Variants in KCNMB4 observed in about 807,000 individuals in gnomAD.
KCNMB4 encodes calcium-activated potassium channel subunit beta-4.
Under a neutral mutation model 20.7 loss-of-function variants are expected in KCNMB4, and 3 were observed. That is an observed-to-expected ratio of 0.14 (90% CI 0.07 to 0.37). KCNMB4 has a LOEUF of 0.37. Among genes scored for constraint, KCNMB4 ranks in the 10% least tolerant of loss-of-function variants. KCNMB4 has a pLI of 1.00. For missense variants in KCNMB4, 168 were observed against 265.9 expected, an observed-to-expected ratio of 0.63 and a Z score of 2.56; for synonymous variants, 110 against 113.4, an observed-to-expected ratio of 0.97 and a Z score of 0.19.
intron 2 of KCNMB4, among the ~76,000 whole-genome samples, chr12:70,404,912 A>T (rs1374831052): frequency 6.6e-6 from 1 of 152,214 alleles, no homozygotes; most frequent in Non-Finnish European, 1.5e-5. Context: ...GAAGACAAAG[A>T]GTGCATATTG....
At chr12:70,428,597 C>CT (rs1293113995) in intron 2 of KCNMB4, among the ~76,000 whole-genome samples, 2 of 152,122 alleles carry the variant, frequency 1.3e-5, no homozygotes, top group African/African-American at 4.8e-5. Context: ...TGTCCTGACT[C>CT]TTTTTTTAGA....
At chr12:70,405,885 G>A (rs1868586173) in intron 2 of KCNMB4, among the ~76,000 whole-genome samples, 3 of 152,090 alleles carry the variant, frequency 2.0e-5, no homozygotes, top group Admixed American at 6.5e-5. Context: ...AGCGAGATCC[G>A]ATCTCGAAAA....
chr12:70,374,947 T>C (rs1408296617), intron 1 of KCNMB4, among the ~76,000 whole-genome samples: 1 of 152,194 alleles, frequency 6.6e-6, no homozygotes, highest in Non-Finnish European at 1.5e-5. Context: ...TTTATGATTG[T>C]CTTTATCCAA....
chr12:70,409,858 T>G (rs1206524396), intron 2 of KCNMB4, among the ~76,000 whole-genome samples: 1 of 152,234 alleles, frequency 6.6e-6, no homozygotes, highest in African/African-American at 2.4e-5. Context: ...TCAGGAGAAC[T>G]GTGAATGAGT....
intron 2 of KCNMB4, among the ~76,000 whole-genome samples, chr12:70,405,480 A>G (rs12424396): frequency 0.093 from 14,157 of 152,230 alleles, 780 homozygotes; most frequent in Admixed American, 0.15. Flanking sequence ...ACAAAAAAAC[A>G]AAAGACAGGT....
chr12:70,398,512 A>G (rs1220349817), intron 1 of KCNMB4, among the ~76,000 whole-genome samples: 1 of 152,164 alleles, frequency 6.6e-6, no homozygotes, highest in Non-Finnish European at 1.5e-5. Flanking sequence ...TAGATGTAGA[A>G]CTATATGTGC....
At chr12:70,413,697 C>T (rs1389608442) in intron 2 of KCNMB4, among the ~76,000 whole-genome samples, 1 of 152,154 alleles carries the variant, frequency 6.6e-6, no homozygotes, top group African/African-American at 2.4e-5. Flanking sequence ...ATCCCCACCA[C>T]ATAATTTTTT....
chr12:70,379,918 C>T (rs1353943712), intron 1 of KCNMB4, among the ~76,000 whole-genome samples: 2 of 152,202 alleles, frequency 1.3e-5, no homozygotes, highest in African/African-American at 4.8e-5. Flanking sequence ...TCCATATCAG[C>T]AATAAGGCTG....
At chr12:70,383,006 T>C (rs1883821552) in intron 1 of KCNMB4, among the ~76,000 whole-genome samples, 1 of 152,210 alleles carries the variant, frequency 6.6e-6, no homozygotes, top group Non-Finnish European at 1.5e-5. Flanking sequence ...CTGAATACTA[T>C]AGGCAGTTGT....
In KCNMB4 at chr12:70,430,782, C is replaced by T. The variant is rs953079826; in HGVS notation, c.*129C>T. ...CGACAGGGCTCTGAGAGGCTCATCC[C>T]TCAGTGGCAACAGAAACAGGCACAA... On this transcript the variant is annotated 3_prime_UTR_variant, in exon 3 of 3. Coordinates refer to ENST00000258111, the MANE Select transcript of KCNMB4 (RefSeq NM_014505.6). The T allele has an allele frequency of 5.9e-6, 5 of 844,922 alleles. No individual in the cohort carries two copies. The highest frequency in any genetic ancestry group is 8.5e-6 in the Non-Finnish European group (5 of 591,596). 52.3% of individuals were successfully genotyped at this position (844,922 alleles called of 1,614,324 possible). A position where few individuals can be genotyped will look rare whatever the true frequency, so the allele number is the denominator to read the frequency against.
intron 1 of KCNMB4, among the ~76,000 whole-genome samples, chr12:70,395,143 T>C (rs1484448372): frequency 6.6e-6 from 1 of 151,962 alleles, no homozygotes; most frequent in Non-Finnish European, 1.5e-5. Context: ...TGTGTTCCAG[T>C]AGATAATGTT....
Position 70,433,733 on chromosome 12 carries a change from C to G in KCNMB4, c.*3080C>G, listed in dbSNP as rs1022678068. ...AGCAGGCATGATGGAGATCCCTTGC[C>G]CAGCAGAAAGTGTTCCTTGGTGAAA... On this transcript the variant is annotated 3_prime_UTR_variant, in exon 3 of 3. Coordinates refer to ENST00000258111, the MANE Select transcript of KCNMB4 (RefSeq NM_014505.6). 1 of 152,240 alleles carries G rather than the reference C, an allele frequency of 6.6e-6. No homozygotes were observed. Among genetic ancestry groups the G allele is most frequent in the Non-Finnish European group, 1.5e-5 (1 of 68,068 alleles). 9.4% of individuals were successfully genotyped at this position (152,240 alleles called of 1,614,324 possible). A position where few individuals can be genotyped will look rare whatever the true frequency, so the allele number is the denominator to read the frequency against.
rs1035305773 is a variant in KCNMB4 at position 70,431,667 on chromosome 12, A to G, written c.*1014A>G. On this transcript the variant is annotated 3_prime_UTR_variant, in exon 3 of 3. Coordinates refer to ENST00000258111, the MANE Select transcript of KCNMB4 (RefSeq NM_014505.6). Reference sequence around the variant, plus strand: ...CTGGAGATGCAACCCAGCTCACATCATTGCTACTGATGAGCTTTCTGTGCC... The same window carrying G: ...CTGGAGATGCAACCCAGCTCACATCGTTGCTACTGATGAGCTTTCTGTGCC... 6.6e-6 allele frequency: 1 copy of G among 152,138 alleles called. No homozygotes were observed. Among genetic ancestry groups the G allele is most frequent in the Non-Finnish European group, 1.5e-5 (1 of 68,024 alleles). 9.4% of individuals were successfully genotyped at this position (152,138 alleles called of 1,614,324 possible).
At chr12:70,416,138 A>T (rs1868908575) in intron 2 of KCNMB4, among the ~76,000 whole-genome samples, 1 of 152,206 alleles carries the variant, frequency 6.6e-6, no homozygotes, top group Non-Finnish European at 1.5e-5. Context: ...GCTTAGGCTA[A>T]ATTAGGCTGT....
intron 1 of KCNMB4, among the ~76,000 whole-genome samples, chr12:70,369,762 T>C (rs898057008): frequency 6.6e-6 from 1 of 152,264 alleles, no homozygotes; most frequent in Admixed American, 6.5e-5. Context: ...TAATAATTTC[T>C]TTAAAATACC....
chr12:70,390,002 T>C (rs1344086295), intron 1 of KCNMB4, among the ~76,000 whole-genome samples: 1 of 152,246 alleles, frequency 6.6e-6, no homozygotes, highest in African/African-American at 2.4e-5. Context: ...TTACTATTTG[T>C]TAACCAGTGT....
intron 2 of KCNMB4, among the ~76,000 whole-genome samples, chr12:70,412,135 A>G (rs955756668): frequency 5.3e-5 from 8 of 152,224 alleles, no homozygotes; most frequent in Non-Finnish European, 8.8e-5. Flanking sequence ...GTTGAGGTTA[A>G]GAACTGGATG....
chr12:70,411,798 G>T (rs534478359), intron 2 of KCNMB4, among the ~76,000 whole-genome samples: 1 of 152,158 alleles, frequency 6.6e-6, no homozygotes, highest in African/African-American at 2.4e-5. Context: ...AAAGAAAGTG[G>T]TAGATGAACT....
intron 1 of KCNMB4, among the ~76,000 whole-genome samples, chr12:70,395,141 A>G (rs1182752592): frequency 2.0e-5 from 3 of 152,086 alleles, no homozygotes; most frequent in Admixed American, 1.3e-4. Context: ...CATGTGTTCC[A>G]GTAGATAATG....
Sources: gnomAD v4.1 joint callset for allele counts (sites outside exome capture counted in the v4.1 genomes callset) on GRCh38, gnomAD v4.1.1 for gene constraint, MANE v1.5 for transcripts, NCBI Gene and HGNC (gene_info 2026-07-23, HGNC 2026-07-21) for gene names.